The following PAQR5 variants were observed in gnomAD, a reference collection of about 807,000 sequenced individuals.
PAQR5 encodes the protein membrane progestin receptor gamma.
A neutral mutation model predicts 34.5 loss-of-function variants in PAQR5; 20 were observed. That is an observed-to-expected ratio of 0.58 (90% CI 0.41 to 0.84). PAQR5 has a LOEUF of 0.84. Ranked by LOEUF, PAQR5 falls within the 40% of genes least tolerant of loss-of-function variation. PAQR5 has a pLI of 0.00. For synonymous variants in PAQR5, 131 were observed against 155.6 expected (o/e 0.84, Z 1.18); for missense variants, 378 against 412.7 (o/e 0.92, Z 0.73).
At chr15:69,379,760 C>G in intron 3 of PAQR5, 123 bp from the exon 4 acceptor site, 2 of 1,309,690 alleles carry the variant, frequency 1.5e-6, no homozygotes, top group Non-Finnish European at 2.1e-6. Flanking sequence ...AACAGCTTAA[C>G]AGGTTAAGGA....
chr15:69,403,898 TACA>T lies in PAQR5; in HGVS notation c.*77_*79del. On this transcript the variant is annotated 3_prime_UTR_variant, in exon 9 of 9. Transcript: ENST00000395407. ...CTAACCACCATAAGCCGGAGGTGGT[TACA>T]GCTTATCATGGCCTAAAATATTCAT... 1 of 1,491,978 alleles carries T rather than the reference TACA, an allele frequency of 6.7e-7. No individual in the cohort carries two copies. Among genetic ancestry groups the T allele is most frequent in the Non-Finnish European group, 9.1e-7 (1 of 1,100,280 alleles). The allele number at this position is 1,491,978 out of a possible 1,614,324, so 92.4% of individuals were successfully genotyped here.
rs1036234991 is a variant in PAQR5, at chr15:69,407,432, A to G, written c.*3610A>G. On this transcript the variant is annotated 3_prime_UTR_variant, in exon 9 of 9. Transcript: ENST00000395407. ...GCATGAGCCACACTGCACCCAGTCC[A>G]TGCTACCCTTTTTATATGAAACACC... 1.3e-5 allele frequency: 2 copies of G among 152,160 alleles called. No individual in the cohort carries two copies. Among genetic ancestry groups the G allele is most frequent in the African/African-American group, 4.8e-5 (2 of 41,442 alleles). 9.4% of individuals were successfully genotyped at this position (152,160 alleles called of 1,614,324 possible).
intron 1 of PAQR5, among the ~76,000 whole-genome samples, chr15:69,329,677 G>T (rs571795801): frequency 2.6e-5 from 4 of 151,972 alleles, no homozygotes; most frequent in East Asian, 1.9e-4. Context: ...TAGAGACAGG[G>T]TTTCATCATG....
Position 69,384,638 on chromosome 15 carries a change from T to C in PAQR5, c.180-39T>C, listed in dbSNP as rs746860409. ...TGGTGGAGGGTGAGCGGGCCCTCTG[T>C]GTTCATGGTGGAGGGTGAGTGAGCC... On this transcript the variant is annotated intron_variant, in intron 4 of 8. Coordinates refer to ENST00000395407, the MANE Select transcript of PAQR5 (RefSeq NM_017705.4). 4.1e-6 allele frequency: 6 copies of C among 1,463,874 alleles called. No homozygotes were observed. In the Admixed American group the frequency reaches 1.0e-4, roughly 25 times the overall value. 90.7% of individuals were successfully genotyped at this position (1,463,874 alleles called of 1,614,324 possible).
chr15:69,339,954 C>T (rs1350449788), intron 2 of PAQR5, among the ~76,000 whole-genome samples: 2 of 152,204 alleles, frequency 1.3e-5, no homozygotes, highest in Non-Finnish European at 2.9e-5. Context: ...GCAACCTCTG[C>T]CTCCCGGGTT....
intron 1 of PAQR5, among the ~76,000 whole-genome samples, chr15:69,315,040 T>C (rs987861749): frequency 5.3e-5 from 8 of 152,092 alleles, no homozygotes; most frequent in Admixed American, 2.0e-4. Flanking sequence ...AGTGGTCGTC[T>C]CTATTCTCTC....
rs34728909 is a variant in PAQR5 at position 69,346,297 on chromosome 15, ATTTTTTTTT to A, written c.-116+8814_-116+8822del. 3.8e-4 allele frequency among the ~76,000 whole-genome samples: 31 copies of A among 81,492 alleles called. 1 individual carries two copies. The East Asian group carries it at 5.1e-3, about 13-fold the overall frequency. 53.5% of individuals were successfully genotyped at this position (81,492 alleles called of 152,430 possible). ...TGTGATTGGCCATGGATATTTTGTA[ATTTTTTTTT>A]TTTTTTTTTTTTTTTTTGCGACAGG... is the stretch of plus-strand genomic sequence containing the variant. On this transcript the variant is annotated intron_variant, in intron 2 of 8. Transcript: ENST00000395407.
intron 1 of PAQR5, among the ~76,000 whole-genome samples, chr15:69,319,120 C>A (rs933764440): frequency 1.4e-5 from 2 of 145,328 alleles, no homozygotes; most frequent in African/African-American, 2.6e-5. Context: ...GGCGACAGAG[C>A]GAGACTCCAT....
chr15:69,364,017 G>A (rs2055317067), intron 3 of PAQR5, among the ~76,000 whole-genome samples: 1 of 152,146 alleles, frequency 6.6e-6, no homozygotes, highest in South Asian at 2.1e-4. Flanking sequence ...TTGCACTGCA[G>A]CTCTGCCACA....
intron 3 of PAQR5, among the ~76,000 whole-genome samples, chr15:69,372,487 G>A (rs547907963): frequency 1.4e-4 from 22 of 152,188 alleles, no homozygotes; most frequent in Non-Finnish European, 3.2e-4. Context: ...AGGTTGCAGT[G>A]AGCCAAGATC....
At chr15:69,359,892 A>G in intron 2 of PAQR5, 74 bp from the exon 3 acceptor site, 2 of 575,786 alleles carry the variant, frequency 3.5e-6, no homozygotes, top group Non-Finnish European at 6.2e-6. Flanking sequence ...TCAATAGTTG[A>G]ACAAGCTGAC....
Position 69,394,111 on chromosome 15 carries a change from T to G in PAQR5, c.513-3357T>G, listed in dbSNP as rs573394213. 1.2e-4 allele frequency among the ~76,000 whole-genome samples: 18 copies of G among 151,706 alleles called. 1 individual carries two copies. The South Asian group carries it at 3.1e-3, about 26-fold the overall frequency. On this transcript the variant is annotated intron_variant, in intron 6 of 8. Transcript: ENST00000395407. ...ATCCAACCATTGATTGTTTTTTTTT[T>G]GTTTTTTGTTTTTTTTTTTTCAAAG... is the stretch of plus-strand genomic sequence containing the variant.
intron 2 of PAQR5, among the ~76,000 whole-genome samples, chr15:69,353,801 A>C (rs1370098407): frequency 6.6e-6 from 1 of 152,166 alleles, no homozygotes; most frequent in Non-Finnish European, 1.5e-5. Flanking sequence ...TGCTGGTCTA[A>C]AGGTCTTAGT....
At chr15:69,399,053 C>A (rs945335209) in intron 7 of PAQR5, among the ~76,000 whole-genome samples, 2 of 152,188 alleles carry the variant, frequency 1.3e-5, no homozygotes, top group African/African-American at 4.8e-5. Flanking sequence ...CTGCTGCCCT[C>A]GGTAAGTGGT....
intron 4 of PAQR5, among the ~76,000 whole-genome samples, chr15:69,383,634 C>G (rs1268361996): frequency 3.2e-3 from 179 of 56,582 alleles, no homozygotes; most frequent in Middle Eastern, 0.014. Flanking sequence ...GGGTGAGTGG[C>G]CCTCTGTGTT....
At chr15:69,308,120 G>A (rs1038247956) in intron 1 of PAQR5, among the ~76,000 whole-genome samples, 2 of 152,166 alleles carry the variant, frequency 1.3e-5, no homozygotes, top group African/African-American at 2.4e-5. Flanking sequence ...AGGGCCCTGC[G>A]GAGTTGAAAG....
At chr15:69,302,693 C>A (rs1438410723) in intron 1 of PAQR5, among the ~76,000 whole-genome samples, 4 of 152,154 alleles carry the variant, frequency 2.6e-5, no homozygotes, top group Admixed American at 2.6e-4. Flanking sequence ...TGAGGACAGG[C>A]CAGCACACCT....
At chr15:69,328,995 G>A (rs2054316972) in intron 1 of PAQR5, among the ~76,000 whole-genome samples, 1 of 152,352 alleles carries the variant, frequency 6.6e-6, no homozygotes, top group South Asian at 2.1e-4. Context: ...CTGACTGGTA[G>A]CATGACTCTG....
At chr15:69,351,222 G>T (rs1386522401) in intron 2 of PAQR5, among the ~76,000 whole-genome samples, 1 of 152,240 alleles carries the variant, frequency 6.6e-6, no homozygotes, top group Non-Finnish European at 1.5e-5. Context: ...TCCCTGAAGG[G>T]ATTGCAGAGA....
Sources: gnomAD v4.1 joint callset for allele counts (sites outside exome capture counted in the v4.1 genomes callset) on GRCh38, gnomAD v4.1.1 for gene constraint, MANE v1.5 for transcripts, NCBI Gene and HGNC (gene_info 2026-07-23, HGNC 2026-07-21) for gene names.